SLC24A2: variants seen among roughly 807,000 people sequenced by gnomAD.
SLC24A2 encodes the protein sodium/potassium/calcium exchanger 2.
Under a neutral mutation model 62.0 loss-of-function variants are expected in SLC24A2, and 36 were observed. The observed-to-expected ratio is 0.58, with a 90% CI of 0.44 to 0.77. The LOEUF is 0.77. SLC24A2 is among the 30% of genes least tolerant of loss of function. SLC24A2 has a pLI of 0.00. For synonymous variants in SLC24A2, 358 were observed against 294.0 expected (o/e 1.22, Z -2.23); for missense variants, 846 against 817.9 (o/e 1.03, Z -0.42).
chr9:20,205,128 G>A, the SLC24A2 span, among the ~76,000 whole-genome samples: 1 of 152,236 alleles, frequency 6.6e-6, no homozygotes, highest in African/African-American at 2.4e-5. Flanking sequence ...AGAATTCACA[G>A]CATTGCCACG....
chr9:20,220,841 C>G, the SLC24A2 span, among the ~76,000 whole-genome samples: 1 of 152,206 alleles, frequency 6.6e-6, no homozygotes, highest in South Asian at 2.1e-4. Context: ...CCTCACCTAC[C>G]TAAACGAAAA....
At chr9:19,592,545 T>C (rs545743541) in intron 5 of SLC24A2, among the ~76,000 whole-genome samples, 6 of 150,798 alleles carry the variant, frequency 4.0e-5, no homozygotes, top group African/African-American at 1.5e-4. Flanking sequence ...TACCTACCTA[T>C]CTACCTATCT....
the SLC24A2 span, among the ~76,000 whole-genome samples, chr9:19,987,122 C>T: frequency 6.6e-6 from 1 of 151,978 alleles, no homozygotes; most frequent in Admixed American, 6.6e-5. Flanking sequence ...AGAGCTGATG[C>T]TCTGTTGATA....
chr9:19,791,458 G>T (rs924348283), upstream of SLC24A2, among the ~76,000 whole-genome samples: 1 of 152,210 alleles, frequency 6.6e-6, no homozygotes, highest in African/African-American at 2.4e-5. Flanking sequence ...AAGGGAGAAG[G>T]GGGAGATAAA....
At chr9:19,705,853 C>G (rs540117445) in intron 2 of SLC24A2, among the ~76,000 whole-genome samples, 287 of 152,200 alleles carry the variant, frequency 1.9e-3, no homozygotes, top group African/African-American at 6.7e-3. Context: ...TTACTTCCAA[C>G]TATGTGGTCA....
chr9:19,833,595 G>T, the SLC24A2 span, among the ~76,000 whole-genome samples: 1 of 152,340 alleles, frequency 6.6e-6, no homozygotes, highest in East Asian at 1.9e-4. Context: ...GAACTGGGTG[G>T]AGCCCACCAC....
At chr9:20,150,260 A>G in the SLC24A2 span, among the ~76,000 whole-genome samples, 1 of 152,006 alleles carries the variant, frequency 6.6e-6, no homozygotes, top group Non-Finnish European at 1.5e-5. Context: ...GGATTATTAC[A>G]GACTATGATC....
chr9:20,250,783 A>C, the SLC24A2 span, among the ~76,000 whole-genome samples: 1 of 152,216 alleles, frequency 6.6e-6, no homozygotes, highest in African/African-American at 2.4e-5. Flanking sequence ...AAATTTCCCA[A>C]TTATTTAATA....
intron 2 of SLC24A2, among the ~76,000 whole-genome samples, chr9:19,769,357 C>T (rs556715175): frequency 6.6e-6 from 1 of 152,370 alleles, no homozygotes; most frequent in East Asian, 1.9e-4. Context: ...TGTTACCCAC[C>T]TGATTCATGG....
the SLC24A2 span, among the ~76,000 whole-genome samples, chr9:20,035,394 G>A: frequency 1.3e-5 from 2 of 152,178 alleles, no homozygotes; most frequent in South Asian, 4.1e-4. Context: ...AGATGTATAA[G>A]TTTGCCAAGA....
intron 2 of SLC24A2, among the ~76,000 whole-genome samples, chr9:19,750,049 G>A (rs1248533085): frequency 1.3e-5 from 2 of 152,192 alleles, no homozygotes; most frequent in Non-Finnish European, 2.9e-5. Flanking sequence ...AGTTGCCCAT[G>A]CTTCCCAGAC....
the SLC24A2 span, among the ~76,000 whole-genome samples, chr9:20,128,973 G>A: frequency 3.3e-5 from 5 of 151,946 alleles, no homozygotes; most frequent in Admixed American, 1.3e-4. Context: ...TCTGTGCATC[G>A]ATGGATACTA....
At chr9:20,055,306 T>C in the SLC24A2 span, among the ~76,000 whole-genome samples, 4 of 152,170 alleles carry the variant, frequency 2.6e-5, no homozygotes, top group Admixed American at 6.5e-5. Context: ...TTAGGCAAAA[T>C]TGAAGAAAAA....
At chr9:19,876,055 A>T in the SLC24A2 span, among the ~76,000 whole-genome samples, 1 of 152,178 alleles carries the variant, frequency 6.6e-6, no homozygotes, top group Admixed American at 6.5e-5. Context: ...GCAGCATGTC[A>T]AGTCTTCCTT....
At chr9:19,882,404 C>A in the SLC24A2 span, among the ~76,000 whole-genome samples, 1 of 151,966 alleles carries the variant, frequency 6.6e-6, no homozygotes, top group Admixed American at 6.6e-5. Flanking sequence ...CAGTTCTTTG[C>A]CCTTTTTTGG....
chr9:19,824,635 A>C, the SLC24A2 span, among the ~76,000 whole-genome samples: 1 of 152,206 alleles, frequency 6.6e-6, no homozygotes, highest in Non-Finnish European at 1.5e-5. Flanking sequence ...ATCTGGAACT[A>C]GAAATACCAT....
At chr9:20,189,312 G>A in the SLC24A2 span, among the ~76,000 whole-genome samples, 3 of 152,134 alleles carry the variant, frequency 2.0e-5, no homozygotes, top group African/African-American at 7.2e-5. Context: ...CAACAATGAA[G>A]TTGTCATCCT....
chr9:20,109,449 C>T, the SLC24A2 span, among the ~76,000 whole-genome samples: 11,044 of 152,056 alleles, frequency 0.073, 1,171 homozygotes, highest in East Asian at 0.52. Context: ...TGGCTTATGC[C>T]GAATACTTGC....
the SLC24A2 span, among the ~76,000 whole-genome samples, chr9:19,807,270 A>G: frequency 6.6e-6 from 1 of 152,234 alleles, no homozygotes; most frequent in Non-Finnish European, 1.5e-5. Context: ...AACAAAAGGA[A>G]GGTGATAGAT....
Sources: gnomAD v4.1 joint callset for allele counts (sites outside exome capture counted in the v4.1 genomes callset) on GRCh38, gnomAD v4.1.1 for gene constraint, MANE v1.5 for transcripts, NCBI Gene and HGNC (gene_info 2026-07-23, HGNC 2026-07-21) for gene names.